TRPM5: variants seen among roughly 807,000 people sequenced by gnomAD.
TRPM5 encodes the protein transient receptor potential cation channel subfamily M member 5.
Under a neutral mutation model 124.9 loss-of-function variants are expected in TRPM5, and 121 were observed. The ratio of observed to expected loss-of-function variants is 0.97; its 90% CI spans 0.84 to 1.13. TRPM5 has a LOEUF of 1.13. Ranked by LOEUF, TRPM5 falls within the 50% of genes most tolerant of loss-of-function variation. The pLI is 0.00. For synonymous variants in TRPM5, 781 were observed against 700.5 expected, an observed-to-expected ratio of 1.11 and a Z score of -1.81; for missense variants, 1,643 against 1,589.1, an observed-to-expected ratio of 1.03 and a Z score of -0.58.
At chr11:2,410,452 C>T (rs964362919) in intron 18 of TRPM5, among the ~76,000 whole-genome samples, 24 of 152,014 alleles carry the variant, frequency 1.6e-4, no homozygotes, top group African/African-American at 4.6e-4. Flanking sequence ...CCTTCTCTGC[C>T]GGGTCTCCAA....
At chr11:2,413,480 A>G in exon 13 of TRPM5, 1 of 1,608,078 alleles carries the variant, frequency 6.2e-7, no homozygotes, top group Non-Finnish European at 8.5e-7. Flanking sequence ...ACCCACCTGA[A>G]GGTGATGAGG....
At chr11:2,441,658 G>C in the TRPM5 span, among the ~76,000 whole-genome samples, 12 of 152,216 alleles carry the variant, frequency 7.9e-5, 1 homozygote, top group African/African-American at 2.9e-4. The surrounding 1 kb of genome is among the most constrained non-coding windows in gnomAD (Gnocchi z 7.2). Context: ...AGACAGCCCT[G>C]GGGGCCTCCA....
In TRPM5 at chr11:2,405,026, C is replaced by T. The variant is rs144887214; in HGVS notation, c.3409G>A (p.Glu1137Lys). The change falls in exon 24 of 24, where the codon GAG (glutamate) becomes AAG (lysine). Residue 1137 changes from glutamate to lysine, a missense_variant. Glu to Lys is a moderately conservative substitution (Grantham distance 56, BLOSUM62 1). Coordinates refer to ENST00000155858, the Ensembl canonical transcript of TRPM5. ...TCAGCAGCCACCAGCTGGCTTCCCT[C>T]GCCACAGTGCTGAGAGCCTGCTGGG... 47 of 1,612,532 alleles carry T rather than the reference C, an allele frequency of 2.9e-5. 1 individual carries two copies. In the East Asian group the frequency reaches 3.6e-4, roughly 12 times the overall value.
the TRPM5 span, among the ~76,000 whole-genome samples, chr11:2,428,585 T>C: frequency 6.6e-6 from 1 of 151,570 alleles, no homozygotes; most frequent in African/African-American, 2.4e-5. This position sits in a 1 kb window ranked among gnomAD's most constrained non-coding sequence, Gnocchi z 4.0. Flanking sequence ...GTGGTGATGG[T>C]GGTGGGCATG....
At chr11:2,435,328 G>T in the TRPM5 span, among the ~76,000 whole-genome samples, 6 of 152,070 alleles carry the variant, frequency 3.9e-5, no homozygotes, top group African/African-American at 1.2e-4. The surrounding 1 kb of genome is among the most constrained non-coding windows in gnomAD (Gnocchi z 4.1). Context: ...ATAACTGGAC[G>T]AAGGGCGGCC....
At chr11:2,428,603 T>C in the TRPM5 span, among the ~76,000 whole-genome samples, 1 of 150,944 alleles carries the variant, frequency 6.6e-6, no homozygotes, top group Non-Finnish European at 1.5e-5. This position sits in a 1 kb window ranked among gnomAD's most constrained non-coding sequence, Gnocchi z 4.0. Flanking sequence ...ATGAGGGTAG[T>C]TGGGGTGGTG....
At chr11:2,418,499 A>C (rs748992832) in intron 5 of TRPM5, 28 bp downstream of exon 10, 1 of 1,602,132 alleles carries the variant, frequency 6.2e-7, no homozygotes, top group Admixed American at 1.7e-5. Context: ...GGCTTCGGCC[A>C]GCCAGGGGGC....
At chr11:2,441,608 C>G in the TRPM5 span, among the ~76,000 whole-genome samples, 6 of 152,132 alleles carry the variant, frequency 3.9e-5, no homozygotes, top group Non-Finnish European at 7.3e-5. The surrounding 1 kb of genome is among the most constrained non-coding windows in gnomAD (Gnocchi z 7.2). Flanking sequence ...GGACCCCATA[C>G]CCCCAGAGCA....
intron 11 of TRPM5, 127 bp downstream of exon 16, chr11:2,414,588 C>T (rs1437936661): frequency 7.5e-6 from 10 of 1,326,388 alleles, no homozygotes; most frequent in Admixed American, 2.9e-5. Flanking sequence ...ATGGAGGAGG[C>T]CCCTGAGGGC....
chr11:2,409,796 G>C (rs1208063203), intron 18 of TRPM5, among the ~76,000 whole-genome samples: 1 of 152,222 alleles, frequency 6.6e-6, no homozygotes, highest in African/African-American at 2.4e-5. Flanking sequence ...GGCTGGCCCT[G>C]TTGCAGGCGT....
At chr11:2,420,995 C>A in intron 3 of TRPM5, 37 bp downstream of exon 8, 1 of 1,511,362 alleles carries the variant, frequency 6.6e-7, no homozygotes. Flanking sequence ...TGCCTCCAGG[C>A]CCCCAGCGGT....
the TRPM5 span, among the ~76,000 whole-genome samples, chr11:2,443,928 C>A: frequency 2.0e-5 from 3 of 152,020 alleles, no homozygotes; most frequent in African/African-American, 7.2e-5. The surrounding 1 kb of genome is among the most constrained non-coding windows in gnomAD (Gnocchi z 5.0). Flanking sequence ...CCCACCCCCA[C>A]CCAGGGGAAT....
chr11:2,409,848 C>T (rs1432529395), intron 18 of TRPM5, among the ~76,000 whole-genome samples: 1 of 152,220 alleles, frequency 6.6e-6, no homozygotes, highest in African/African-American at 2.4e-5. Flanking sequence ...CCGCAGACCT[C>T]CCTGAGGCAG....
intron 7 of TRPM5, 21 bp downstream of exon 12, chr11:2,417,706 G>GGCCCC: frequency 5.5e-6 from 6 of 1,087,288 alleles, no homozygotes; most frequent in Admixed American, 2.0e-5. Context: ...CGCCTGCCTT[G>GGCCCC]CCCACCCTGC....
At chr11:2,433,557 G>T in the TRPM5 span, among the ~76,000 whole-genome samples, 1 of 152,164 alleles carries the variant, frequency 6.6e-6, no homozygotes. Flanking sequence ...CTGGGCCAGT[G>T]GTCAAGGCTG....
intron 11 of TRPM5, among the ~76,000 whole-genome samples, chr11:2,414,479 C>G (rs1383182343): frequency 6.6e-6 from 1 of 152,196 alleles, no homozygotes; most frequent in Non-Finnish European, 1.5e-5. Context: ...AGTGTATGCC[C>G]GGGGTGTGAG....
upstream of TRPM5, among the ~76,000 whole-genome samples, chr11:2,424,187 AG>A (rs1179915162): frequency 6.6e-6 from 1 of 152,232 alleles, no homozygotes; most frequent in Non-Finnish European, 1.5e-5. Context: ...CCACCACAGA[AG>A]CCCTTTGTGA....
Position 2,414,628 on chromosome 11 carries a change from C to T in TRPM5, c.1744+87G>A, listed in dbSNP as rs568571732. 806 of 1,432,808 alleles carry T rather than the reference C, an allele frequency of 5.6e-4. 4 individuals carry two copies. In the African/African-American group the frequency reaches 0.011, roughly 19 times the overall value. 88.8% of individuals were successfully genotyped at this position (1,432,808 alleles called of 1,614,324 possible). A position where few individuals can be genotyped will look rare whatever the true frequency, so the allele number is the denominator to read the frequency against. On this transcript the variant is annotated intron_variant, in intron 11 of 23. Transcript: ENST00000155858. ...GGAGCCCCACGGCGGTAACAGGCAGCCCTGGCGAGGCCCAGGACCCTTCGT... is the reference window on the plus strand; with the variant it reads ...GGAGCCCCACGGCGGTAACAGGCAGTCCTGGCGAGGCCCAGGACCCTTCGT...
chr11:2,417,715 GC>G lies in TRPM5; in HGVS notation c.1009+11del. On this transcript the variant is annotated intron_variant, in intron 7 of 23. Transcript: ENST00000155858. Reference sequence around the variant, plus strand: ...CAATGGCGCCTGCCTTGCCCACCCTGCCCGCCCTCACCTTTCACCAGCGCCT... The same window carrying G: ...CAATGGCGCCTGCCTTGCCCACCCTGCCGCCCTCACCTTTCACCAGCGCCT... The G allele has an allele frequency of 2.1e-6, 1 of 470,332 alleles. No homozygotes were observed. Among genetic ancestry groups the G allele is most frequent in the Non-Finnish European group, 4.0e-6 (1 of 251,232 alleles). The allele number at this position is 470,332 out of a possible 1,614,324, so 29.1% of individuals were successfully genotyped here.
Sources: allele counts gnomAD v4.1 joint callset (sites outside exome capture counted in the v4.1 genomes callset), GRCh38; gene constraint gnomAD v4.1.1; non-coding constraint Gnocchi (gnomAD v3.1); transcripts MANE v1.5; gene names NCBI Gene and HGNC (gene_info 2026-07-23, HGNC 2026-07-21).